Variants in DLGAP1 observed in about 807,000 individuals in gnomAD.
DLGAP1 encodes DLG associated protein 1, also known as disks large-associated protein 1.
Under a neutral mutation model 90.8 loss-of-function variants are expected in DLGAP1, and 11 were observed. The observed-to-expected ratio is 0.12, with a 90% CI of 0.08 to 0.20. DLGAP1 has a LOEUF of 0.20. DLGAP1 is among the 10% of genes least tolerant of loss of function. The pLI is 1.00. For synonymous variants in DLGAP1, 558 were observed against 540.7 expected (o/e 1.03, Z -0.44); for missense variants, 1,050 against 1,333.8 (o/e 0.79, Z 3.31).
At chr18:4,137,208 T>G (rs922372596) in intron 2 of DLGAP1, among the ~76,000 whole-genome samples, 1 of 152,228 alleles carries the variant, frequency 6.6e-6, no homozygotes. Flanking sequence ...GTTTCATCCA[T>G]GTACCTACAA....
intron 1 of DLGAP1, among the ~76,000 whole-genome samples, chr18:4,396,896 T>G (rs75917679): frequency 6.6e-6 from 1 of 152,162 alleles, no homozygotes; most frequent in African/African-American, 2.4e-5. Flanking sequence ...CTCTCTAAGC[T>G]AATTAGAATA....
chr18:3,865,160 C>T (rs901098211), intron 4 of DLGAP1, among the ~76,000 whole-genome samples: 4 of 152,178 alleles, frequency 2.6e-5, no homozygotes, highest in Non-Finnish European at 5.9e-5. Flanking sequence ...TCCTAGTTTA[C>T]TTCCTAATCA....
chr18:3,669,815 T>G (rs1172237541), intron 7 of DLGAP1, among the ~76,000 whole-genome samples: 1 of 152,198 alleles, frequency 6.6e-6, no homozygotes, highest in Admixed American at 6.5e-5. Flanking sequence ...AAGTCCTCTG[T>G]CCTTGTGATG....
At chr18:3,551,681 C>CCCCTCCCTCCCT (rs1294062016) in intron 9 of DLGAP1, among the ~76,000 whole-genome samples, 1 of 5,370 alleles carries the variant, frequency 1.9e-4, no homozygotes, top group Non-Finnish European at 3.6e-4. Flanking sequence ...TCTTTTCCCT[C>CCCCTCCCTCCCT]CCCTCCCTCC....
rs180902837 is a variant in DLGAP1, at chr18:3,645,052, T to A, written c.1592-62804A>T. 4.9e-3 allele frequency among the ~76,000 whole-genome samples: 745 copies of A among 152,330 alleles called. 6 individuals carry two copies. The highest frequency in any genetic ancestry group is 0.017 in the African/African-American group (707 of 41,578). ...ATGGTAGGTTACCTGTTAAGGGGAA[T>A]GGGAACTGTGTATTGAGTCAATGCA... On this transcript the variant is annotated intron_variant, in intron 7 of 12. Transcript: ENST00000315677.
intron 2 of DLGAP1, among the ~76,000 whole-genome samples, chr18:4,091,563 C>T (rs777670663): frequency 5.3e-5 from 8 of 152,138 alleles, no homozygotes; most frequent in Non-Finnish European, 1.0e-4. Flanking sequence ...CTGTCTTCAT[C>T]TCCTTTTTTA....
chr18:3,874,887 T>C (rs911790614), intron 4 of DLGAP1: 23 of 794,580 alleles, frequency 2.9e-5, no homozygotes, highest in Non-Finnish European at 3.8e-5. Flanking sequence ...ATTGACCGTA[T>C]TAACTGGGAC....
chr18:3,886,590 C>G (rs571109205), intron 3 of DLGAP1, among the ~76,000 whole-genome samples: 60 of 152,228 alleles, frequency 3.9e-4, no homozygotes, highest in African/African-American at 1.3e-3. Context: ...CAACACCTCT[C>G]AACTACCCTT....
intron 1 of DLGAP1, 56 bp from the exon 2 acceptor site, chr18:4,151,343 A>G (rs1180734351): frequency 1.3e-5 from 2 of 152,164 alleles, no homozygotes; most frequent in Non-Finnish European, 2.9e-5. Flanking sequence ...ACAAAAAGAC[A>G]CTTAAAAATG....
chr18:4,439,631 C>A (rs942884747), intron 1 of DLGAP1, among the ~76,000 whole-genome samples: 1 of 151,910 alleles, frequency 6.6e-6, no homozygotes, highest in African/African-American at 2.4e-5. Context: ...CATAGTATGA[C>A]CTTGTCTCCA....
chr18:3,897,989 T>G (rs2071683273), intron 3 of DLGAP1, among the ~76,000 whole-genome samples: 1 of 151,746 alleles, frequency 6.6e-6, no homozygotes, highest in South Asian at 2.1e-4. Context: ...AGAGACGGGG[T>G]TTCACCTTGT....
At chr18:3,659,408 C>T (rs2059606150) in intron 7 of DLGAP1, among the ~76,000 whole-genome samples, 3 of 137,292 alleles carry the variant, frequency 2.2e-5, no homozygotes, top group African/African-American at 8.9e-5. Context: ...CACACACACA[C>T]ACACACACAC....
intron 7 of DLGAP1, among the ~76,000 whole-genome samples, chr18:3,687,109 T>G (rs1366862496): frequency 6.6e-6 from 1 of 152,218 alleles, no homozygotes; most frequent in Non-Finnish European, 1.5e-5. Flanking sequence ...CCCAAGAGAT[T>G]CCAGAAGGAG....
At chr18:4,287,840 T>C (rs2145484187) in intron 1 of DLGAP1, among the ~76,000 whole-genome samples, 1 of 151,574 alleles carries the variant, frequency 6.6e-6, no homozygotes, top group South Asian at 2.1e-4. Context: ...TCCCAGAACT[T>C]AAAGTATAAT....
intron 4 of DLGAP1, among the ~76,000 whole-genome samples, chr18:3,877,901 C>T (rs1227025502): frequency 2.6e-5 from 4 of 152,158 alleles, no homozygotes; most frequent in African/African-American, 4.8e-5. Context: ...AATTGTGTGT[C>T]GTGTATGAAA....
At chr18:4,361,259 T>C (rs28533820) in intron 1 of DLGAP1, among the ~76,000 whole-genome samples, 9,391 of 152,096 alleles carry the variant, frequency 0.062, 923 homozygotes, top group African/African-American at 0.21. Context: ...GTAAAACACA[T>C]TGCGCAGAAA....
At chr18:4,175,404 A>C (rs1463998685) in intron 1 of DLGAP1, among the ~76,000 whole-genome samples, 1 of 152,202 alleles carries the variant, frequency 6.6e-6, no homozygotes, top group Non-Finnish European at 1.5e-5. Flanking sequence ...TTTGCTGTGC[A>C]GAAGCTCTTC....
At position 4,378,788 on chromosome 18, in the gene DLGAP1, G is replaced by A. The variant is rs143553227; in HGVS notation, c.-267+76218C>T. Among the ~76,000 whole-genome samples the A allele has an allele frequency of 4.6e-5, 7 of 152,156 alleles. No individual in the cohort carries two copies. Among genetic ancestry groups the A allele is most frequent in the African/African-American group, 1.7e-4 (7 of 41,524 alleles). Reference sequence around the variant, plus strand: ...AATAGATCTTCCCTCCTAACAGCTTGGTTGTGTCACAGTTCCATAAACACC... The same window carrying A: ...AATAGATCTTCCCTCCTAACAGCTTAGTTGTGTCACAGTTCCATAAACACC... On this transcript the variant is annotated intron_variant, in intron 1 of 12. Transcript: ENST00000315677. This position sits in a 1 kb window ranked among gnomAD's most constrained non-coding sequence, Gnocchi z 4.5.
intron 7 of DLGAP1, among the ~76,000 whole-genome samples, chr18:3,582,846 C>CCCCT (rs369753303): frequency 9.9e-6 from 1 of 100,644 alleles, no homozygotes; most frequent in Non-Finnish European, 2.0e-5. Flanking sequence ...TCCTCCCTCC[C>CCCCT]CCCTCCCTCC....
Sources: gnomAD v4.1 joint callset for allele counts (sites outside exome capture counted in the v4.1 genomes callset) on GRCh38, gnomAD v4.1.1 for gene constraint, Gnocchi (gnomAD v3.1) non-coding constraint, MANE v1.5 for transcripts, NCBI Gene and HGNC (gene_info 2026-07-23, HGNC 2026-07-21) for gene names.